The following SNTG1 variants were observed in gnomAD, a reference collection of about 807,000 sequenced individuals.
The protein encoded by SNTG1 is gamma-1-syntrophin.
SNTG1 carries 39 observed loss-of-function variants against 74.7 expected under a neutral mutation model. The observed-to-expected ratio is 0.52, with a 90% CI of 0.40 to 0.68. The LOEUF is 0.68. SNTG1 is among the 30% of genes least tolerant of loss of function. The probability of loss-of-function intolerance (pLI) is 0.00; values close to 1 mark genes in which losing one functional copy is unlikely to be tolerated. For synonymous variants in SNTG1, 254 were observed against 217.1 expected (o/e 1.17, Z -1.49); for missense variants, 685 against 609.5 (o/e 1.12, Z -1.30).
intron 1 of SNTG1, among the ~76,000 whole-genome samples, chr8:49,967,983 C>T (rs958207437): frequency 6.6e-6 from 1 of 152,154 alleles, no homozygotes; most frequent in African/African-American, 2.4e-5. Context: ...CAGTCTTGGT[C>T]CTATCCTTCA....
intron 8 of SNTG1, among the ~76,000 whole-genome samples, chr8:50,479,887 T>C (rs1322747882): frequency 6.6e-6 from 1 of 152,186 alleles, no homozygotes; most frequent in Admixed American, 6.5e-5. Flanking sequence ...ATATTTCAAG[T>C]TTTCCTGGGC....
intron 2 of SNTG1, among the ~76,000 whole-genome samples, chr8:50,315,009 A>G (rs1041012952): frequency 6.7e-6 from 1 of 149,826 alleles, no homozygotes; most frequent in African/African-American, 2.5e-5. Flanking sequence ...AAACTCATTG[A>G]TTATAATTTA....
intron 1 of SNTG1, among the ~76,000 whole-genome samples, chr8:49,963,013 G>A (rs1810833894): frequency 6.6e-6 from 1 of 152,228 alleles, no homozygotes; most frequent in Non-Finnish European, 1.5e-5. Flanking sequence ...TCAAGCCAGA[G>A]GCGGGAAGCG....
intron 2 of SNTG1, among the ~76,000 whole-genome samples, chr8:50,342,311 A>G (rs2091340838): frequency 6.6e-6 from 1 of 152,140 alleles, no homozygotes; most frequent in Admixed American, 6.5e-5. Context: ...TCTTTAGCTT[A>G]TAAAATACTT....
At chr8:50,078,693 C>T (rs2131059905) in intron 1 of SNTG1, among the ~76,000 whole-genome samples, 1 of 152,218 alleles carries the variant, frequency 6.6e-6, no homozygotes, top group Non-Finnish European at 1.5e-5. Context: ...GGTATTTGTC[C>T]TAATGCTCTC....
intron 15 of SNTG1, among the ~76,000 whole-genome samples, chr8:50,677,601 T>A (rs769513125): frequency 2.6e-5 from 4 of 152,026 alleles, no homozygotes; most frequent in African/African-American, 4.8e-5. Flanking sequence ...TTTACAGAAA[T>A]GTTCTGCCTT....
intron 2 of SNTG1, among the ~76,000 whole-genome samples, chr8:50,236,212 C>T (rs1002228807): frequency 6.6e-6 from 1 of 152,088 alleles, no homozygotes; most frequent in African/African-American, 2.4e-5. Context: ...CTATATCTTG[C>T]TCAGGTGTAC....
intron 4 of SNTG1, among the ~76,000 whole-genome samples, chr8:50,437,706 A>G (rs4873457): frequency 0.86 from 130,225 of 152,192 alleles, 55,823 homozygotes; most frequent in Non-Finnish European, 0.89. Context: ...GAATGTTCAA[A>G]AAGATTGATG....
chr8:50,733,559 C>T (rs1218004527), intron 17 of SNTG1, among the ~76,000 whole-genome samples: 1 of 151,858 alleles, frequency 6.6e-6, no homozygotes, highest in Non-Finnish European at 1.5e-5. Flanking sequence ...CAGTGTATAA[C>T]ACTCTCTTTT....
At chr8:50,492,393 C>A (rs554131703) in intron 8 of SNTG1, among the ~76,000 whole-genome samples, 1 of 152,146 alleles carries the variant, frequency 6.6e-6, no homozygotes, top group African/African-American at 2.4e-5. Flanking sequence ...ACATCCTCTC[C>A]GGCATCTGTT....
chr8:50,324,950 TATATATATATATATATATATA>T (rs2090679830), intron 2 of SNTG1, among the ~76,000 whole-genome samples: 2 of 128,798 alleles, frequency 1.6e-5, no homozygotes, highest in Non-Finnish European at 3.5e-5. Flanking sequence ...TATATATATA[TATATATATATATATATATATA>T]GACAGAGAGA....
intron 2 of SNTG1, among the ~76,000 whole-genome samples, chr8:50,308,144 G>A (rs1349803563): frequency 6.6e-6 from 1 of 151,412 alleles, no homozygotes; most frequent in African/African-American, 2.4e-5. Context: ...ATCTTTGGAA[G>A]CGCTCACAGG....
chr8:50,497,275 A>G (rs1169586579), intron 8 of SNTG1, among the ~76,000 whole-genome samples: 1 of 152,008 alleles, frequency 6.6e-6, no homozygotes, highest in Non-Finnish European at 1.5e-5. Context: ...TAACCAATAC[A>G]TGTCATATTT....
At chr8:50,636,249 G>A (rs1052557571) in intron 13 of SNTG1, among the ~76,000 whole-genome samples, 3 of 151,372 alleles carry the variant, frequency 2.0e-5, no homozygotes, top group Admixed American at 6.6e-5. Flanking sequence ...CCTGGGGTTC[G>A]AGGACAGATG....
chr8:50,464,782 G>T (rs1190993412), intron 8 of SNTG1, among the ~76,000 whole-genome samples: 1 of 151,630 alleles, frequency 6.6e-6, no homozygotes, highest in Non-Finnish European at 1.5e-5. Context: ...AAAAAACACT[G>T]ATCACAGGTC....
chr8:50,208,380 A>G (rs1386352087), intron 2 of SNTG1, among the ~76,000 whole-genome samples: 5 of 152,058 alleles, frequency 3.3e-5, no homozygotes, highest in African/African-American at 1.2e-4. Flanking sequence ...CTGGGATTGT[A>G]ACCCTTGCTT....
intron 2 of SNTG1, among the ~76,000 whole-genome samples, chr8:50,182,733 T>C (rs768064707): frequency 2.6e-5 from 4 of 152,222 alleles, no homozygotes; most frequent in African/African-American, 4.8e-5. Context: ...CAGCCACTAC[T>C]GCAGTGGTCA....
intron 8 of SNTG1, among the ~76,000 whole-genome samples, chr8:50,493,345 T>C (rs1022256624): frequency 1.3e-5 from 2 of 152,198 alleles, no homozygotes; most frequent in African/African-American, 4.8e-5. Flanking sequence ...GAAGAGCTTT[T>C]GAGAGGCTGA....
intron 9 of SNTG1, among the ~76,000 whole-genome samples, chr8:50,504,459 T>C (rs1205265908): frequency 1.3e-5 from 2 of 152,196 alleles, no homozygotes; most frequent in Non-Finnish European, 2.9e-5. Context: ...ATTGAATTGC[T>C]GAGTGACTAG....
Sources: gnomAD v4.1 joint callset for allele counts (sites outside exome capture counted in the v4.1 genomes callset) on GRCh38, gnomAD v4.1.1 for gene constraint, MANE v1.5 for transcripts, NCBI Gene and HGNC (gene_info 2026-07-23, HGNC 2026-07-21) for gene names.